Variants in LMO7 observed in about 807,000 individuals in gnomAD.
LMO7 encodes the protein LIM domain only protein 7.
In LMO7, 120 loss-of-function variants were observed where a neutral mutation model predicts 206.5. The observed-to-expected ratio is 0.58, with a 90% CI of 0.50 to 0.68. LMO7 has a LOEUF of 0.68. LMO7 is among the 30% of genes least tolerant of loss of function. LMO7 has a pLI of 0.00. For missense variants in LMO7, 1,959 were observed against 1,957.9 expected (o/e 1.00, Z -0.01); for synonymous variants, 706 against 681.5 (o/e 1.04, Z -0.56).
At chr13:75,749,207 T>A (rs1356028591) in intron 3 of LMO7, among the ~76,000 whole-genome samples, 1 of 152,170 alleles carries the variant, frequency 6.6e-6, no homozygotes, top group Non-Finnish European at 1.5e-5. Context: ...GCACTAAAGG[T>A]GCCCCAATTT....
intron 3 of LMO7, among the ~76,000 whole-genome samples, chr13:75,747,093 A>G (rs1003362770): frequency 2.6e-5 from 4 of 152,174 alleles, no homozygotes; most frequent in South Asian, 2.1e-4. Flanking sequence ...AATGATCTGG[A>G]TGGGCCTAAG....
intron 28 of LMO7, among the ~76,000 whole-genome samples, chr13:75,854,027 A>G (rs938568242): frequency 1.3e-5 from 2 of 152,252 alleles, no homozygotes; most frequent in East Asian, 1.9e-4. Flanking sequence ...GGAAGTGTAT[A>G]TGTTATGATA....
At chr13:75,833,981 T>G (rs756313705) in intron 16 of LMO7, among the ~76,000 whole-genome samples, 4 of 152,160 alleles carry the variant, frequency 2.6e-5, no homozygotes, top group Admixed American at 6.5e-5. Flanking sequence ...AGAAGTCTTA[T>G]TGAATAGATG....
At chr13:75,827,469 A>G (rs1284202607) in intron 15 of LMO7, among the ~76,000 whole-genome samples, 2 of 152,216 alleles carry the variant, frequency 1.3e-5, no homozygotes, top group Non-Finnish European at 2.9e-5. Flanking sequence ...AAATCTGCCG[A>G]TAGGAATTTC....
intron 3 of LMO7, among the ~76,000 whole-genome samples, chr13:75,758,479 T>A (rs1315647186): frequency 2.0e-5 from 3 of 152,204 alleles, no homozygotes; most frequent in Non-Finnish European, 4.4e-5. Context: ...TTTACAAAGT[T>A]GTACTGTGTT....
chr13:75,834,518 A>G (rs1182994055), intron 17 of LMO7, 131 bp downstream of exon 17: 1 of 631,852 alleles, frequency 1.6e-6, no homozygotes. Context: ...TTTTGTAGTT[A>G]CGTCATGACA....
At chr13:75,825,180 T>C (rs949997680) in intron 15 of LMO7, among the ~76,000 whole-genome samples, 2 of 152,052 alleles carry the variant, frequency 1.3e-5, no homozygotes, top group Non-Finnish European at 2.9e-5. Context: ...TTTTAAGGAA[T>C]TGGAAATATA....
chr13:75,772,907 G>A (rs988957345), intron 4 of LMO7, among the ~76,000 whole-genome samples: 3 of 152,050 alleles, frequency 2.0e-5, no homozygotes, highest in African/African-American at 2.4e-5. Context: ...TAGGTCTGGG[G>A]CAGGGCTGGG....
chr13:75,770,719 A>G (rs2049526451), intron 4 of LMO7, among the ~76,000 whole-genome samples: 1 of 152,154 alleles, frequency 6.6e-6, no homozygotes, highest in African/African-American at 2.4e-5. Context: ...CTATGATGCA[A>G]TTAAGTTTAG....
chr13:75,751,592 C>A (rs1412041541), intron 3 of LMO7, among the ~76,000 whole-genome samples: 1 of 152,100 alleles, frequency 6.6e-6, no homozygotes, highest in African/African-American at 2.4e-5. Flanking sequence ...GTTCTGGGAG[C>A]CTTGGTTTAA....
rs541902281 is a variant in LMO7 at position 75,630,047 on chromosome 13, T to C, written c.225+6727T>C. ...CTCAAGTCCCTCATATAAAATGATA[T>C]AGTATTTGCATAAAACCTACACAGT... On this transcript the variant is annotated intron_variant, in intron 2 of 29. Coordinates refer to the LMO7 transcript ENST00000341547. 3.9e-5 allele frequency among the ~76,000 whole-genome samples: 6 copies of C among 152,334 alleles called. 1 individual carries two copies. The South Asian group carries it at 1.0e-3, about 26-fold the overall frequency.
intron 12 of LMO7, chr13:75,819,155 T>C: frequency 2.7e-6 from 1 of 364,424 alleles, no homozygotes; most frequent in Non-Finnish European, 4.9e-6. Context: ...ATGAGGCAGA[T>C]ACTTTCTGGG....
intron 3 of LMO7, among the ~76,000 whole-genome samples, chr13:75,747,941 A>T (rs533634991): frequency 6.6e-6 from 1 of 152,242 alleles, no homozygotes; most frequent in Admixed American, 6.5e-5. Flanking sequence ...ATCCTCATGT[A>T]TAGGGACCAA....
chr13:75,853,242 C>A lies in LMO7; in HGVS notation c.4515C>A (p.Ala1505=), dbSNP rs1365632904. 6.2e-7 allele frequency: 1 copy of A among 1,614,034 alleles called. No individual in the cohort carries two copies. Among genetic ancestry groups the A allele is most frequent in the African/African-American group, 1.3e-5 (1 of 74,908 alleles). ...PPQLVSTSNR[A]YMRNPSSSVP... is the part of the protein sequence containing the mutation. ...AGCTGGTGTCCACATCAAACCGTGC[C>A]TACATGCGGAACCCCTCCTCCAGCG... Residue 1505 remains alanine, a synonymous_variant, in exon 28 of 31, where the codon GCC becomes GCA. Coordinates refer to ENST00000377534, the MANE Select transcript of LMO7 (RefSeq NM_001306080.2).
chr13:75,840,786 A>G (rs546606625), intron 22 of LMO7, among the ~76,000 whole-genome samples: 1 of 152,178 alleles, frequency 6.6e-6, no homozygotes, highest in South Asian at 2.1e-4. Flanking sequence ...CTTGGTTCCC[A>G]TAAACTGTTT....
At chr13:75,760,457 T>C in intron 3 of LMO7, 1 of 1,185,754 alleles carries the variant, frequency 8.4e-7, no homozygotes, top group Non-Finnish European at 1.0e-6. Context: ...CGTTCTGTAA[T>C]TTGTAATCAT....
intron 16 of LMO7, 40 bp from the exon 17 acceptor site, chr13:75,834,186 A>G (rs1312568749): frequency 2.0e-6 from 3 of 1,505,724 alleles, no homozygotes; most frequent in Non-Finnish European, 1.8e-6. Context: ...AACATGTGGG[A>G]TTTTTTTCCC....
chr13:75,675,666 A>G (rs1308473088), intron 1 of LMO7, among the ~76,000 whole-genome samples: 1 of 152,188 alleles, frequency 6.6e-6, no homozygotes, highest in African/African-American at 2.4e-5. Context: ...TCTTTATTGC[A>G]GGCATGTGGG....
chr13:75,731,097 T>C (rs998498575), intron 3 of LMO7, among the ~76,000 whole-genome samples: 1 of 152,040 alleles, frequency 6.6e-6, no homozygotes, highest in African/African-American at 2.4e-5. Context: ...GAAAAAAATG[T>C]ATATTCTGTT....
Sources: gnomAD v4.1 joint callset for allele counts (sites outside exome capture counted in the v4.1 genomes callset) on GRCh38, gnomAD v4.1.1 for gene constraint, MANE v1.5 for transcripts, NCBI Gene and HGNC (gene_info 2026-07-23, HGNC 2026-07-21) for gene names.